The following ANO2 variants were observed in gnomAD, a reference collection of about 807,000 sequenced individuals.
ANO2 encodes the protein anoctamin 2, also known as anoctamin-2.
ANO2 carries 101 observed loss-of-function variants against 124.2 expected under a neutral mutation model. That is an observed-to-expected ratio of 0.81 (90% CI 0.69 to 0.96). ANO2 has a LOEUF of 0.96. ANO2 is among the 40% of genes least tolerant of loss of function. ANO2 has a pLI of 0.00. For missense variants in ANO2, 1,293 were observed against 1,274.5 expected (o/e 1.01, Z -0.22); for synonymous variants, 486 against 482.5 (o/e 1.01, Z -0.09).
intron 20 of ANO2, among the ~76,000 whole-genome samples, chr12:5,593,578 C>T (rs575665007): frequency 1.3e-5 from 2 of 152,280 alleles, no homozygotes; most frequent in South Asian, 2.1e-4. Flanking sequence ...CAGAGATCAC[C>T]GTATTCAGGA....
Position 5,854,254 on chromosome 12 carries a change from G to A in ANO2, c.535-113C>T, listed in dbSNP as rs148656996. 3,132 of 938,686 alleles carry A rather than the reference G, an allele frequency of 3.3e-3. 81 individuals carry two copies. In the Admixed American group the frequency reaches 0.049, roughly 15 times the overall value. The allele number at this position is 938,686 out of a possible 1,614,324, so 58.1% of individuals were successfully genotyped here. A position where few individuals can be genotyped will look rare whatever the true frequency, so the allele number is the denominator to read the frequency against. On this transcript the variant is annotated intron_variant, in intron 3 of 24. Transcript: ENST00000682330. ...CCAACCCGTTGTTCTTCAGTTTCTC[G>A]TTTTCGTTCTCTTTAAAATTCACCA...
intron 15 of ANO2, among the ~76,000 whole-genome samples, chr12:5,646,867 C>T (rs900658001): frequency 3.9e-5 from 6 of 152,184 alleles, no homozygotes; most frequent in Non-Finnish European, 8.8e-5. Flanking sequence ...CTGTAGTTAA[C>T]GGTCACGATG....
chr12:5,735,581 A>G (rs572231982), intron 13 of ANO2, among the ~76,000 whole-genome samples: 1 of 152,344 alleles, frequency 6.6e-6, no homozygotes, highest in East Asian at 1.9e-4. Flanking sequence ...AGATGAGGAT[A>G]AGAATAGCAG....
intron 10 of ANO2, among the ~76,000 whole-genome samples, chr12:5,794,008 A>G (rs1191089238): frequency 6.6e-6 from 1 of 152,178 alleles, no homozygotes; most frequent in African/African-American, 2.4e-5. Flanking sequence ...CCTGATCTAT[A>G]AAATGGACCA....
At chr12:5,828,968 C>T (rs1025520545) in intron 6 of ANO2, among the ~76,000 whole-genome samples, 1 of 152,220 alleles carries the variant, frequency 6.6e-6, no homozygotes, top group Non-Finnish European at 1.5e-5. Context: ...AAACTCAAGG[C>T]TCTTTTCCCC....
intron 20 of ANO2, among the ~76,000 whole-genome samples, chr12:5,596,006 G>A (rs1943641315): frequency 6.6e-6 from 1 of 152,098 alleles, no homozygotes; most frequent in South Asian, 2.1e-4. Context: ...AAAGCAATTT[G>A]GTAAAATGAA....
At chr12:5,575,789 A>G in intron 23 of ANO2, 45 bp downstream of exon 23, 1 of 1,586,270 alleles carries the variant, frequency 6.3e-7, no homozygotes, top group African/African-American at 1.3e-5. Flanking sequence ...ATTTGGATCT[A>G]TTGCTTCTGG....
At chr12:5,807,673 G>T (rs1187116838) in intron 7 of ANO2, among the ~76,000 whole-genome samples, 1 of 152,194 alleles carries the variant, frequency 6.6e-6, no homozygotes, top group Admixed American at 6.5e-5. Context: ...CATCAGGTGA[G>T]AATCTCTGTG....
intron 4 of ANO2, among the ~76,000 whole-genome samples, chr12:5,851,491 G>C (rs1039793018): frequency 6.6e-6 from 1 of 151,968 alleles, no homozygotes; most frequent in East Asian, 1.9e-4. Context: ...TTCGAGACCA[G>C]CTGGCCAACA....
chr12:5,581,712 C>T (rs1235789816), intron 20 of ANO2, among the ~76,000 whole-genome samples: 1 of 152,174 alleles, frequency 6.6e-6, no homozygotes, highest in Non-Finnish European at 1.5e-5. Flanking sequence ...CCATGTAAGT[C>T]TCTATGTTCA....
At chr12:5,675,459 T>C (rs1056776871) in intron 14 of ANO2, among the ~76,000 whole-genome samples, 4 of 152,212 alleles carry the variant, frequency 2.6e-5, no homozygotes, top group Non-Finnish European at 2.9e-5. Flanking sequence ...ACTTTCTGGT[T>C]GGCTGGCTTC....
At chr12:5,659,915 T>G (rs1947354771) in intron 14 of ANO2, among the ~76,000 whole-genome samples, 1 of 152,110 alleles carries the variant, frequency 6.6e-6, no homozygotes, top group Non-Finnish European at 1.5e-5. Flanking sequence ...GCCCTTTTAT[T>G]TTGTGATAGT....
intron 7 of ANO2, among the ~76,000 whole-genome samples, chr12:5,820,384 G>T (rs1432793782): frequency 6.6e-6 from 1 of 152,184 alleles, no homozygotes; most frequent in African/African-American, 2.4e-5. Flanking sequence ...TGATCCTCAA[G>T]TTAAAGTAAG....
chr12:5,878,217 T>G (rs1307170441), intron 3 of ANO2, among the ~76,000 whole-genome samples: 2 of 152,240 alleles, frequency 1.3e-5, no homozygotes, highest in Non-Finnish European at 2.9e-5. Context: ...GCGTGATGTA[T>G]TTTATCTCCA....
chr12:5,605,680 C>T (rs1439256860), intron 19 of ANO2, among the ~76,000 whole-genome samples: 1 of 152,044 alleles, frequency 6.6e-6, no homozygotes, highest in Non-Finnish European at 1.5e-5. Flanking sequence ...TGTGGTGTGG[C>T]ATGTGTTTCG....
chr12:5,714,420 C>A (rs1338463280), intron 14 of ANO2, among the ~76,000 whole-genome samples: 1 of 152,182 alleles, frequency 6.6e-6, no homozygotes, highest in Non-Finnish European at 1.5e-5. Flanking sequence ...ACAAGAAACA[C>A]CAGCCAAGCA....
chr12:5,771,036 C>A (rs1952062153), intron 10 of ANO2, among the ~76,000 whole-genome samples: 1 of 152,220 alleles, frequency 6.6e-6, no homozygotes, highest in African/African-American at 2.4e-5. Context: ...TGATCACTAC[C>A]TAACATTGCT....
At chr12:5,931,422 A>G (rs907505285) in intron 1 of ANO2, among the ~76,000 whole-genome samples, 3 of 152,182 alleles carry the variant, frequency 2.0e-5, no homozygotes, top group Non-Finnish European at 4.4e-5. Flanking sequence ...ATTGGGAATT[A>G]AAGCTAAACA....
intron 23 of ANO2, among the ~76,000 whole-genome samples, chr12:5,568,287 G>A (rs1356954046): frequency 5.9e-5 from 9 of 151,736 alleles, no homozygotes; most frequent in African/African-American, 2.2e-4. Flanking sequence ...GACTACAGGC[G>A]CCCGCCACCA....
Sources: gnomAD v4.1 joint callset for allele counts (sites outside exome capture counted in the v4.1 genomes callset) on GRCh38, gnomAD v4.1.1 for gene constraint, MANE v1.5 for transcripts, NCBI Gene and HGNC (gene_info 2026-07-23, HGNC 2026-07-21) for gene names.